GABRA5: variants seen among roughly 807,000 people sequenced by gnomAD.
GABRA5 encodes the protein gamma-aminobutyric acid receptor subunit alpha-5.
In GABRA5, 18 loss-of-function variants were observed where a neutral mutation model predicts 47.3. The ratio of observed to expected loss-of-function variants is 0.38; its 90% CI spans 0.26 to 0.56. The LOEUF (loss-of-function observed/expected upper bound fraction) is 0.56, where lower values mean the gene tolerates loss of function less well. GABRA5 is among the 20% of genes least tolerant of loss of function. The probability of loss-of-function intolerance (pLI) is 0.71; values close to 1 mark genes in which losing one functional copy is unlikely to be tolerated. For synonymous variants in GABRA5, 237 were observed against 229.3 expected (o/e 1.03, Z -0.30); for missense variants, 365 against 599.3 (o/e 0.61, Z 4.08).
rs1329771763 is a variant in GABRA5, at chr15:26,911,367, GCATGCA to G, written c.498-3433_498-3428del. On this transcript the variant is annotated intron_variant, in intron 6 of 10. Transcript: ENST00000335625. Reference sequence around the variant, plus strand: ...TACCCTCCCTGCCCCCACCCTTGCTGCATGCACACACACACACACACACACACACAA... The same window carrying G: ...TACCCTCCCTGCCCCCACCCTTGCTGCACACACACACACACACACACACAA... Among the ~76,000 whole-genome samples, 782 of 122,832 alleles carry G rather than the reference GCATGCA, an allele frequency of 6.4e-3. 8 individuals are homozygous for G. The highest frequency in any genetic ancestry group is 0.019 in the African/African-American group (632 of 32,798). 80.6% of individuals were successfully genotyped at this position (122,832 alleles called of 152,430 possible).
chr15:26,903,718 T>C (rs142976011), intron 6 of GABRA5, among the ~76,000 whole-genome samples: 1 of 152,268 alleles, frequency 6.6e-6, no homozygotes, highest in Non-Finnish European at 1.5e-5. Flanking sequence ...ATATTTAGCT[T>C]TTTTTTCATA....
At chr15:26,895,501 G>A (rs942812898) in intron 6 of GABRA5, among the ~76,000 whole-genome samples, 1 of 152,006 alleles carries the variant, frequency 6.6e-6, no homozygotes, top group Non-Finnish European at 1.5e-5. Flanking sequence ...AATAGTACCT[G>A]TCTTCTAGTC....
chr15:26,938,234 G>T (rs748356971), intron 8 of GABRA5, among the ~76,000 whole-genome samples: 1 of 152,188 alleles, frequency 6.6e-6, no homozygotes, highest in African/African-American at 2.4e-5. Context: ...GGGCATCCCT[G>T]GGGGATATGA....
intron 3 of GABRA5, among the ~76,000 whole-genome samples, chr15:26,870,133 T>A (rs964822822): frequency 6.6e-6 from 1 of 152,174 alleles, no homozygotes; most frequent in African/African-American, 2.4e-5. Flanking sequence ...TTGCCAAGCG[T>A]TAGTGCTGCA....
intron 7 of GABRA5, among the ~76,000 whole-genome samples, chr15:26,934,858 G>T (rs992002964): frequency 3.3e-5 from 5 of 152,198 alleles, no homozygotes; most frequent in African/African-American, 1.2e-4. Context: ...GAGAGGACAG[G>T]CAGGGTCAAC....
At position 26,915,471 on chromosome 15, in the gene GABRA5, C is replaced by T. The variant is rs370331093; in HGVS notation, c.580+586C>T. Among the ~76,000 whole-genome samples the T allele has an allele frequency of 2.4e-4, 36 of 152,274 alleles. 1 individual carries two copies. The highest frequency in any genetic ancestry group is 8.4e-4 in the African/African-American group (35 of 41,564). ...AATTCTAATAGGAATTCCTGGATTC[C>T]AGCCATTCCAGACAGAGGAATTGAC... On this transcript the variant is annotated intron_variant, in intron 7 of 10. Coordinates refer to ENST00000335625, the MANE Select transcript of GABRA5 (RefSeq NM_000810.4).
At position 26,949,118 on chromosome 15, in the gene GABRA5, G is replaced by A. The variant is rs1209569642; in HGVS notation, c.*885G>A. On this transcript the variant is annotated 3_prime_UTR_variant, in exon 11 of 11. Coordinates refer to ENST00000335625, the MANE Select transcript of GABRA5 (RefSeq NM_000810.4). ...TATTTTCCATTTTATTTCCTTGTAT[G>A]TATTTCATGACTGGACTTACTGCTC... 6.6e-6 allele frequency: 1 copy of A among 151,972 alleles called. No homozygotes were observed. Among genetic ancestry groups the A allele is most frequent in the Non-Finnish European group, 1.5e-5 (1 of 68,008 alleles). The allele number at this position is 151,972 out of a possible 1,614,324, so 9.4% of individuals were successfully genotyped here.
At chr15:26,899,567 C>G (rs1171815817) in intron 6 of GABRA5, among the ~76,000 whole-genome samples, 1 of 152,104 alleles carries the variant, frequency 6.6e-6, no homozygotes, top group Non-Finnish European at 1.5e-5. Flanking sequence ...GTGTATTTTT[C>G]TCTGAGGTTT....
chr15:26,893,493 TG>T (rs1285605192), intron 6 of GABRA5, among the ~76,000 whole-genome samples: 2 of 8,916 alleles, frequency 2.2e-4, no homozygotes, highest in African/African-American at 7.0e-4. Context: ...GGGCACGGCC[TG>T]GGCCTGGACC....
chr15:26,872,900 T>C (rs544606262), intron 3 of GABRA5, among the ~76,000 whole-genome samples: 3 of 152,366 alleles, frequency 2.0e-5, no homozygotes, highest in Non-Finnish European at 4.4e-5. Flanking sequence ...ATAACTGATA[T>C]GAAATTGCTT....
At position 26,914,823 on chromosome 15, in the gene GABRA5, G is replaced by A; in HGVS notation, c.518G>A (p.Cys173Tyr). ...TTCAGCTTGACCATCTCTGCAGAGTGCCCCATGCAGCTTGAGGACTTCCCG... is the reference window on the plus strand; with the variant it reads ...TTCAGCTTGACCATCTCTGCAGAGTACCCCATGCAGCTTGAGGACTTCCCG... Reference protein sequence around the residue: ...YTMRLTISAECPMQLEDFPMD... With the variant: ...YTMRLTISAEYPMQLEDFPMD... Residue 173 changes from cysteine to tyrosine, a missense_variant, in exon 7 of 11, where the codon TGC (cysteine) becomes TAC (tyrosine). Cys to Tyr is a radical substitution (Grantham distance 194, BLOSUM62 -2). Coordinates refer to ENST00000335625, the MANE Select transcript of GABRA5 (RefSeq NM_000810.4). 6.2e-7 allele frequency: 1 copy of A among 1,613,800 alleles called. No homozygotes were observed. Among genetic ancestry groups the A allele is most frequent in the Non-Finnish European group, 8.5e-7 (1 of 1,179,708 alleles).
At chr15:26,908,446 TAGA>T (rs1893497932) in intron 6 of GABRA5, among the ~76,000 whole-genome samples, 1 of 152,106 alleles carries the variant, frequency 6.6e-6, no homozygotes, top group Admixed American at 6.6e-5. Flanking sequence ...TGCAGCCCAA[TAGA>T]AGAATATTGC....
intron 6 of GABRA5, among the ~76,000 whole-genome samples, chr15:26,908,339 T>C (rs1893495084): frequency 6.6e-6 from 1 of 152,048 alleles, no homozygotes; most frequent in Non-Finnish European, 1.5e-5. Context: ...GACTCAGGTG[T>C]AGAGTGAAAA....
At chr15:26,931,268 C>T (rs1188082083) in intron 7 of GABRA5, among the ~76,000 whole-genome samples, 1 of 152,126 alleles carries the variant, frequency 6.6e-6, no homozygotes, top group Non-Finnish European at 1.5e-5. Context: ...TCATACATAA[C>T]AGGAATGTAT....
At chr15:26,871,647 C>T (rs928799025) in intron 3 of GABRA5, among the ~76,000 whole-genome samples, 1 of 152,172 alleles carries the variant, frequency 6.6e-6, no homozygotes, top group Non-Finnish European at 1.5e-5. Flanking sequence ...CTGACTTCCC[C>T]TTGCTTCTGT....
chr15:26,943,531 C>A lies in GABRA5; in HGVS notation c.1089+105C>A. 8 of 992,480 alleles carry A rather than the reference C, an allele frequency of 8.1e-6. 1 individual carries two copies. In the South Asian group the frequency reaches 9.0e-5, roughly 11 times the overall value. 61.5% of individuals were successfully genotyped at this position (992,480 alleles called of 1,614,324 possible). A position where few individuals can be genotyped will look rare whatever the true frequency, so the allele number is the denominator to read the frequency against. ...GGTGCTGCTCCTTCCTACCCGCCAG[C>A]CCCCGAATGCTCCTTTCCTCATATT... On this transcript the variant is annotated intron_variant, in intron 10 of 10. Coordinates refer to ENST00000335625, the MANE Select transcript of GABRA5 (RefSeq NM_000810.4).
At chr15:26,936,393 G>A (rs1192601924) in intron 7 of GABRA5, among the ~76,000 whole-genome samples, 2 of 152,036 alleles carry the variant, frequency 1.3e-5, no homozygotes, top group African/African-American at 2.4e-5. Flanking sequence ...TCGGCTTATG[G>A]CCCCCCTTAC....
At chr15:26,894,056 T>TGTGCTCCCCC (rs1351149487) in intron 6 of GABRA5, among the ~76,000 whole-genome samples, 2 of 152,034 alleles carry the variant, frequency 1.3e-5, no homozygotes, top group Non-Finnish European at 2.9e-5. Context: ...GCGCGCCCCC[T>TGTGCTCCCCC]GTGCTCCCCA....
intron 6 of GABRA5, among the ~76,000 whole-genome samples, chr15:26,902,186 T>C (rs1292660374): frequency 6.6e-6 from 1 of 152,138 alleles, no homozygotes; most frequent in Non-Finnish European, 1.5e-5. Flanking sequence ...CAAAACAACG[T>C]GCTTGAATTT....
Sources: allele counts gnomAD v4.1 joint callset (sites outside exome capture counted in the v4.1 genomes callset), GRCh38; gene constraint gnomAD v4.1.1; transcripts MANE v1.5; gene names NCBI Gene and HGNC (gene_info 2026-07-23, HGNC 2026-07-21).